PTPRT: variants seen among roughly 807,000 people sequenced by gnomAD.
The protein encoded by PTPRT is receptor-type tyrosine-protein phosphatase T.
A neutral mutation model predicts 176.8 loss-of-function variants in PTPRT; 56 were observed. The ratio of observed to expected loss-of-function variants is 0.32; its 90% confidence interval spans 0.26 to 0.40. The LOEUF (loss-of-function observed/expected upper bound fraction) is 0.40. Ranked by LOEUF, PTPRT falls within the 10% of genes least tolerant of loss-of-function variation. The pLI, the probability that PTPRT is intolerant of heterozygous loss-of-function variation, is 1.00. For missense variants in PTPRT, 1,540 were observed against 1,908.2 expected, an observed-to-expected ratio of 0.81 and a Z score of 3.60; for synonymous variants, 783 against 739.0, an observed-to-expected ratio of 1.06 and a Z score of -0.96.
At chr20:42,348,601 A>AC (rs757034582) in intron 11 of PTPRT, among the ~76,000 whole-genome samples, 4 of 152,080 alleles carry the variant, frequency 2.6e-5, no homozygotes, top group Non-Finnish European at 5.9e-5. Context: ...AAATGAGGAG[A>AC]CTATTATACA....
intron 15 of PTPRT, among the ~76,000 whole-genome samples, chr20:42,215,735 C>T (rs2055753191): frequency 6.6e-6 from 1 of 152,182 alleles, no homozygotes; most frequent in South Asian, 2.1e-4. Context: ...GCTGGAAAGG[C>T]CCTCCCAGTC....
Position 42,080,301 on chromosome 20 carries a change from G to C in PTPRT, c.*578C>G, listed in dbSNP as rs1257373890. The C allele has an allele frequency of 1.7e-5, 4 of 233,374 alleles. No individual in the cohort carries two copies. The highest frequency in any genetic ancestry group is 8.8e-5 in the African/African-American group (4 of 45,356). The allele number at this position is 233,374 out of a possible 1,614,324, so 14.5% of individuals were successfully genotyped here. On this transcript the variant is annotated 3_prime_UTR_variant, in exon 31 of 31. Transcript: ENST00000373187. ...ATGGTTGTGGGCGAAGCCCCATGCA[G>C]GTTAGGTGTGAGGATGGGGGGCCTC...
At chr20:42,122,348 A>G (rs990645031) in intron 19 of PTPRT, among the ~76,000 whole-genome samples, 1 of 152,182 alleles carries the variant, frequency 6.6e-6, no homozygotes, top group Non-Finnish European at 1.5e-5. Flanking sequence ...GTGCCTATCA[A>G]GACTAAAAGT....
intron 2 of PTPRT, among the ~76,000 whole-genome samples, chr20:42,855,577 G>A (rs2078548598): frequency 2.6e-5 from 4 of 151,536 alleles, no homozygotes. Context: ...GATCACAGGA[G>A]TGCGCCACCA....
intron 6 of PTPRT, among the ~76,000 whole-genome samples, chr20:42,749,507 C>A (rs766023835): frequency 1.3e-5 from 2 of 152,180 alleles, no homozygotes; most frequent in African/African-American, 2.4e-5. Flanking sequence ...GACAGCATGG[C>A]CAAGGCAAGG....
intron 1 of PTPRT, among the ~76,000 whole-genome samples, chr20:42,901,910 A>T (rs1439238656): frequency 6.6e-6 from 1 of 152,222 alleles, no homozygotes; most frequent in Admixed American, 6.5e-5. Context: ...TTATTTGCCT[A>T]CATATCATCT....
intron 9 of PTPRT, among the ~76,000 whole-genome samples, chr20:42,403,170 T>C (rs1486692273): frequency 6.6e-6 from 1 of 152,222 alleles, no homozygotes; most frequent in Non-Finnish European, 1.5e-5. Flanking sequence ...ATACGATTTT[T>C]GCATTTTGCA....
intron 1 of PTPRT, among the ~76,000 whole-genome samples, chr20:42,888,692 G>T (rs538060938): frequency 6.6e-6 from 1 of 152,132 alleles, no homozygotes; most frequent in Non-Finnish European, 1.5e-5. Context: ...GGCAGATAAA[G>T]AACTTCCAAG....
intron 7 of PTPRT, among the ~76,000 whole-genome samples, chr20:42,597,986 G>A (rs2073704020): frequency 6.6e-6 from 1 of 152,086 alleles, no homozygotes. Context: ...GAATTAAGTG[G>A]ACTAGAACAT....
At chr20:43,130,729 T>C (rs1299163444) in intron 1 of PTPRT, among the ~76,000 whole-genome samples, 2 of 150,950 alleles carry the variant, frequency 1.3e-5, no homozygotes, top group Non-Finnish European at 2.9e-5. Context: ...GGCCAAGGGC[T>C]CTGAGAGTCA....
chr20:42,051,050 A>G, the PTPRT span, among the ~76,000 whole-genome samples: 3 of 152,224 alleles, frequency 2.0e-5, no homozygotes, highest in Non-Finnish European at 4.4e-5. Flanking sequence ...TTACCCAGGA[A>G]TGGCTTGGAG....
chr20:42,962,926 C>T (rs568808501), intron 1 of PTPRT, among the ~76,000 whole-genome samples: 3 of 152,234 alleles, frequency 2.0e-5, no homozygotes, highest in South Asian at 4.1e-4. Context: ...AAGCTGGGCA[C>T]GGTGGCTCAC....
intron 15 of PTPRT, among the ~76,000 whole-genome samples, chr20:42,227,438 A>G (rs928706293): frequency 6.6e-6 from 1 of 151,948 alleles, no homozygotes; most frequent in Non-Finnish European, 1.5e-5. Flanking sequence ...CCTCCCCTGA[A>G]ATGCACTCTT....
intron 9 of PTPRT, among the ~76,000 whole-genome samples, chr20:42,407,288 C>G (rs999177512): frequency 2.6e-5 from 4 of 152,176 alleles, no homozygotes; most frequent in Admixed American, 2.0e-4. Context: ...CCTGATAACA[C>G]AGTTTGAACC....
intron 1 of PTPRT, among the ~76,000 whole-genome samples, chr20:43,130,056 G>A: frequency 6.6e-6 from 1 of 152,218 alleles, no homozygotes; most frequent in East Asian, 1.9e-4. Context: ...AACTATACAA[G>A]TGGGTAAGAG....
At chr20:42,363,410 A>C (rs1485784870) in intron 9 of PTPRT, among the ~76,000 whole-genome samples, 2 of 145,540 alleles carry the variant, frequency 1.4e-5, no homozygotes, top group African/African-American at 5.2e-5. Context: ...TCCCGGGTAC[A>C]AGCAATTCTC....
intron 7 of PTPRT, among the ~76,000 whole-genome samples, chr20:42,503,924 T>G (rs1417443672): frequency 6.6e-6 from 1 of 152,120 alleles, no homozygotes; most frequent in African/African-American, 2.4e-5. Context: ...CTCCCTCACT[T>G]CATTCAGGTC....
chr20:43,015,348 G>C (rs2146162664), intron 1 of PTPRT, among the ~76,000 whole-genome samples: 1 of 152,290 alleles, frequency 6.6e-6, no homozygotes, highest in Middle Eastern at 3.4e-3. Context: ...TTACAAAACA[G>C]AACATAGTAG....
intron 1 of PTPRT, among the ~76,000 whole-genome samples, chr20:42,900,769 G>A (rs1379070476): frequency 6.6e-6 from 1 of 152,142 alleles, no homozygotes; most frequent in African/African-American, 2.4e-5. Context: ...GGGGTCCAGG[G>A]TCTAAAACCC....
Sources: allele counts gnomAD v4.1 joint callset (sites outside exome capture counted in the v4.1 genomes callset), GRCh38; gene constraint gnomAD v4.1.1; transcripts MANE v1.5; gene names NCBI Gene and HGNC (gene_info 2026-07-23, HGNC 2026-07-21).